Variants in ERC1 observed in about 807,000 individuals in gnomAD.
ERC1 encodes the protein RAB6 interacting protein 2.
Under a neutral mutation model 132.0 loss-of-function variants are expected in ERC1, and 56 were observed. That is an observed-to-expected ratio of 0.42 (90% CI 0.34 to 0.53). The LOEUF (loss-of-function observed/expected upper bound fraction) is 0.53, where lower values mean the gene tolerates loss of function less well. Ranked by LOEUF, ERC1 falls within the 20% of genes least tolerant of loss-of-function variation. The pLI, the probability that ERC1 is intolerant of heterozygous loss-of-function variation, is 0.03. For missense variants in ERC1, 1,202 were observed against 1,349.9 expected, an observed-to-expected ratio of 0.89 and a Z score of 1.72; for synonymous variants, 478 against 476.1, an observed-to-expected ratio of 1.00 and a Z score of -0.05.
At chr12:1,017,961 T>C (rs1965785024) in intron 1 of ERC1, among the ~76,000 whole-genome samples, 2 of 152,226 alleles carry the variant, frequency 1.3e-5, no homozygotes, top group Non-Finnish European at 2.9e-5. Flanking sequence ...GTGTGATTGC[T>C]CTGTGTGTAT....
intron 18 of ERC1, among the ~76,000 whole-genome samples, chr12:1,470,450 GTTTTTTTTT>G (rs927630311): frequency 1.4e-5 from 2 of 142,426 alleles, no homozygotes; most frequent in Admixed American, 1.4e-4. Context: ...GGTTTTTTTT[GTTTTTTTTT>G]TTTCTTCATC....
At chr12:1,315,968 T>C (rs987657140) in intron 15 of ERC1, among the ~76,000 whole-genome samples, 4 of 152,116 alleles carry the variant, frequency 2.6e-5, no homozygotes, top group African/African-American at 9.6e-5. Context: ...CTTGGCTCAC[T>C]GCAAGCTCCA....
chr12:1,258,388 C>T (rs2076941773), intron 13 of ERC1, among the ~76,000 whole-genome samples: 2 of 152,182 alleles, frequency 1.3e-5, no homozygotes, highest in Non-Finnish European at 2.9e-5. Context: ...GCATGTAAAG[C>T]ATGTATTCCA....
At chr12:1,105,007 G>A (rs1012896637) in intron 4 of ERC1, among the ~76,000 whole-genome samples, 183 bp downstream of exon 4, 5 of 152,292 alleles carry the variant, frequency 3.3e-5, no homozygotes, top group African/African-American at 1.2e-4. Flanking sequence ...TTTACTTGTA[G>A]ACCATAATTC....
At chr12:1,397,794 A>G (rs927811351) in intron 16 of ERC1, among the ~76,000 whole-genome samples, 1 of 152,356 alleles carries the variant, frequency 6.6e-6, no homozygotes, top group East Asian at 1.9e-4. Flanking sequence ...AATGTATTAC[A>G]TAATCAAAAA....
intron 8 of ERC1, among the ~76,000 whole-genome samples, chr12:1,170,661 T>C (rs1952959227): frequency 6.6e-6 from 1 of 152,230 alleles, no homozygotes; most frequent in South Asian, 2.1e-4. Context: ...TCCATAATTA[T>C]CTACCAGGCA....
intron 2 of ERC1, among the ~76,000 whole-genome samples, chr12:1,057,265 A>T (rs1238844413): frequency 6.6e-6 from 1 of 152,038 alleles, no homozygotes; most frequent in Non-Finnish European, 1.5e-5. Flanking sequence ...CTGGGATTAC[A>T]GGCGTACATC....
At chr12:1,439,416 G>A (rs1180151291) in intron 17 of ERC1, among the ~76,000 whole-genome samples, 1 of 152,162 alleles carries the variant, frequency 6.6e-6, no homozygotes, top group Non-Finnish European at 1.5e-5. Flanking sequence ...TGAAATGCTG[G>A]CCTCTGAAGC....
intron 13 of ERC1, among the ~76,000 whole-genome samples, chr12:1,238,809 G>A (rs932999966): frequency 6.6e-6 from 1 of 152,024 alleles, no homozygotes; most frequent in Non-Finnish European, 1.5e-5. Context: ...GCTTTCATAT[G>A]TAATCTCTTA....
At chr12:1,433,406 T>A (rs1410992641) in intron 17 of ERC1, among the ~76,000 whole-genome samples, 2 of 152,212 alleles carry the variant, frequency 1.3e-5, no homozygotes, top group Non-Finnish European at 2.9e-5. Context: ...AACCTGATGC[T>A]TTCTTCTGGT....
Position 1,180,603 on chromosome 12 carries a change from G to A in ERC1, c.1801G>A (p.Val601Ile). ...GCAGATGAGCAGCTTGAAAGAACGGGTCAAATCCTTGCAGGCTGACACCAC... is the reference window on the plus strand; with the variant it reads ...GCAGATGAGCAGCTTGAAAGAACGGATCAAATCCTTGCAGGCTGACACCAC... ...EKQMSSLKER[V>I]KSLQADTTNT... Residue 601 changes from valine to isoleucine, a missense_variant, in exon 9 of 19, where the codon GTC becomes ATC. Val to Ile is a conservative substitution (Grantham distance 29). Transcript: ENST00000360905. 2 of 1,613,964 alleles carry A rather than the reference G, an allele frequency of 1.2e-6. No homozygotes were observed. The highest frequency in any genetic ancestry group is 8.5e-7 in the Non-Finnish European group (1 of 1,180,006).
rs146307442 is a variant in ERC1, at chr12:1,302,323, T to A, written c.2780+12311T>A. Among the ~76,000 whole-genome samples, 1,139 of 152,286 alleles carry A rather than the reference T, an allele frequency of 7.5e-3. 18 individuals carry two copies. Among genetic ancestry groups the A allele is most frequent in the African/African-American group, 0.026 (1,080 of 41,558 alleles). ...CCCATTTATGATAAAATATCTTAGCTGACTAGAGATAGAAGGTAATTCAGC... is the reference window on the plus strand; with the variant it reads ...CCCATTTATGATAAAATATCTTAGCAGACTAGAGATAGAAGGTAATTCAGC... On this transcript the variant is annotated intron_variant, in intron 15 of 18. Coordinates refer to ENST00000360905, the MANE Select transcript of ERC1 (RefSeq NM_178040.4).
chr12:1,046,386 T>A (rs1378788364), intron 2 of ERC1, among the ~76,000 whole-genome samples: 1 of 152,198 alleles, frequency 6.6e-6, no homozygotes, highest in Non-Finnish European at 1.5e-5. Context: ...AAGCAAAGAA[T>A]GGCTTTTACA....
In ERC1 at chr12:1,007,516, T is replaced by TTCTCTCTCTCTCTC. The variant is rs377671282; in HGVS notation, c.-157+16206_-157+16219dup. Among the ~76,000 whole-genome samples the TTCTCTCTCTCTCTC allele has an allele frequency of 1.5e-3, 190 of 122,890 alleles. 2 individuals carry two copies. The highest frequency in any genetic ancestry group is 9.5e-3 in the South Asian group (34 of 3,574). 80.6% of individuals were successfully genotyped at this position (122,890 alleles called of 152,430 possible). On this transcript the variant is annotated intron_variant, in intron 1 of 18. Transcript: ENST00000360905. ...TCTTTCTCTCTCTCTCACTGGGTAATTCTCTCTCTCTCTCTCTCTCTCTCT... is the reference window on the plus strand; with the variant it reads ...TCTTTCTCTCTCTCTCACTGGGTAATTCTCTCTCTCTCTCTCTCTCTCTCTCTCTCTCTCTCTCT...
intron 11 of ERC1, among the ~76,000 whole-genome samples, chr12:1,187,858 C>T (rs538927128): frequency 6.6e-6 from 1 of 152,216 alleles, no homozygotes; most frequent in South Asian, 2.1e-4. Flanking sequence ...AGAAGATAGA[C>T]ACTTAAAAAG....
At chr12:1,480,155 A>G (rs973353845) in intron 18 of ERC1, among the ~76,000 whole-genome samples, 5 of 151,524 alleles carry the variant, frequency 3.3e-5, no homozygotes, top group African/African-American at 1.2e-4. Context: ...ATTTTGTAGT[A>G]GAAATACTAT....
At chr12:1,209,282 G>C (rs757368671) in intron 12 of ERC1, among the ~76,000 whole-genome samples, 1 of 152,032 alleles carries the variant, frequency 6.6e-6, no homozygotes, top group Non-Finnish European at 1.5e-5. Flanking sequence ...TCTCATGATG[G>C]CTTTATTTGC....
At chr12:1,000,259 T>G (rs1338265764) in intron 1 of ERC1, among the ~76,000 whole-genome samples, 1 of 151,852 alleles carries the variant, frequency 6.6e-6, no homozygotes, top group African/African-American at 2.4e-5. Context: ...CTGAGGTGGG[T>G]GGATCACTTG....
Position 1,228,417 on chromosome 12 carries a change from AAT to A in ERC1, c.2352-8350_2352-8349del, listed in dbSNP as rs2074768980. Among the ~76,000 whole-genome samples, 5 of 67,256 alleles carry A rather than the reference AAT, an allele frequency of 7.4e-5. No individual in the cohort carries two copies. In the South Asian group the frequency reaches 2.0e-3, roughly 27 times the overall value. The allele number at this position is 67,256 out of a possible 152,430, so 44.1% of individuals were successfully genotyped here. A position where few individuals can be genotyped will look rare whatever the true frequency, so the allele number is the denominator to read the frequency against. ...TCTGCAACTTTACTGAACTTACTATAATAGTTTTTAACAATTTTTTTATGCAG... is the reference window on the plus strand; with the variant it reads ...TCTGCAACTTTACTGAACTTACTATAAGTTTTTAACAATTTTTTTATGCAG... On this transcript the variant is annotated intron_variant, in intron 12 of 18. Coordinates refer to ENST00000360905, the MANE Select transcript of ERC1 (RefSeq NM_178040.4).
Sources: gnomAD v4.1 joint callset for allele counts (sites outside exome capture counted in the v4.1 genomes callset) on GRCh38, gnomAD v4.1.1 for gene constraint, MANE v1.5 for transcripts, NCBI Gene and HGNC (gene_info 2026-07-23, HGNC 2026-07-21) for gene names.